AKR1E2: variants seen among roughly 807,000 people sequenced by gnomAD.
AKR1E2 encodes the protein aldo-keto reductase family 1 member E2.
Under a neutral mutation model 41.9 loss-of-function variants are expected in AKR1E2, and 43 were observed. The observed-to-expected ratio is 1.03, with a 90% confidence interval of 0.80 to 1.32. The LOEUF (loss-of-function observed/expected upper bound fraction) is 1.32, where lower values mean the gene tolerates loss of function less well. AKR1E2 is among the 40% of genes most tolerant of loss of function. The pLI is 0.00. For missense variants in AKR1E2, 423 were observed against 396.5 expected (o/e 1.07, Z -0.57); for synonymous variants, 121 against 138.9 (o/e 0.87, Z 0.91).
the AKR1E2 span, among the ~76,000 whole-genome samples, chr10:4,860,525 A>G: frequency 6.6e-6 from 1 of 152,252 alleles, no homozygotes; most frequent in East Asian, 1.9e-4. Flanking sequence ...GTGGCTGCCA[A>G]CTTTTTTGAT....
chr10:4,825,719 G>C (rs1005934244), upstream of AKR1E2, among the ~76,000 whole-genome samples: 1 of 152,192 alleles, frequency 6.6e-6, no homozygotes, highest in African/African-American at 2.4e-5. Context: ...TGGTACAAGA[G>C]AGCGGGGACC....
intron 1 of AKR1E2, among the ~76,000 whole-genome samples, chr10:4,827,980 A>G (rs1832678853): frequency 6.6e-6 from 1 of 152,244 alleles, no homozygotes; most frequent in African/African-American, 2.4e-5. Flanking sequence ...TTTTTCTTGG[A>G]CTGCAGGTGC....
At chr10:4,842,101 C>T (rs1833934966) in intron 7 of AKR1E2, among the ~76,000 whole-genome samples, 2 of 152,218 alleles carry the variant, frequency 1.3e-5, no homozygotes, top group African/African-American at 4.8e-5. Flanking sequence ...CCTTCTCCCT[C>T]TGCCCCACCA....
chr10:4,857,960 C>T, the AKR1E2 span, among the ~76,000 whole-genome samples: 2 of 152,140 alleles, frequency 1.3e-5, no homozygotes, highest in African/African-American at 4.8e-5. Context: ...TTGTTTATTT[C>T]TACCTTTGTA....
At chr10:4,860,836 T>A in the AKR1E2 span, among the ~76,000 whole-genome samples, 1 of 152,216 alleles carries the variant, frequency 6.6e-6, no homozygotes, top group African/African-American at 2.4e-5. Flanking sequence ...CCTAGAAATG[T>A]GAACCTTGGG....
At chr10:4,825,947 G>A (rs1382170539), upstream of AKR1E2, among the ~76,000 whole-genome samples, 1 of 152,212 alleles carries the variant, frequency 6.6e-6, no homozygotes, top group African/African-American at 2.4e-5. Context: ...GAGCGGCAAT[G>A]CCAGCCGATT....
At chr10:4,834,089 C>T (rs1378625706) in intron 3 of AKR1E2, among the ~76,000 whole-genome samples, 1 of 152,216 alleles carries the variant, frequency 6.6e-6, no homozygotes, top group Non-Finnish European at 1.5e-5. Flanking sequence ...GCCAGGATGT[C>T]CCTGCATATT....
intron 8 of AKR1E2, chr10:4,846,084 G>T (rs2131573445): frequency 3.4e-5 from 11 of 326,586 alleles, no homozygotes; most frequent in South Asian, 2.6e-4. Context: ...TTCTAGAACT[G>T]CTTGCTGTTC....
chr10:4,864,899 T>C, the AKR1E2 span, among the ~76,000 whole-genome samples: 3 of 152,220 alleles, frequency 2.0e-5, no homozygotes, highest in African/African-American at 7.2e-5. Context: ...TTGTAATAAC[T>C]TCCTTTCTTT....
chr10:4,840,201 G>T (rs1196543855), intron 6 of AKR1E2, among the ~76,000 whole-genome samples: 1 of 152,090 alleles, frequency 6.6e-6, no homozygotes, highest in Non-Finnish European at 1.5e-5. Flanking sequence ...CTTTACCCAG[G>T]CCCTCCTGCA....
chr10:4,866,882 A>T, the AKR1E2 span, among the ~76,000 whole-genome samples: 34,118 of 151,674 alleles, frequency 0.22, 4,052 homozygotes, highest in Middle Eastern at 0.35. Context: ...GAGTCAGTTT[A>T]CTGATCTGAG....
chr10:4,840,089 C>A (rs945980863), intron 6 of AKR1E2, among the ~76,000 whole-genome samples: 2 of 152,122 alleles, frequency 1.3e-5, no homozygotes, highest in Admixed American at 6.5e-5. Flanking sequence ...GGAGTGACCC[C>A]TTTGCTGAGT....
chr10:4,864,503 C>G, the AKR1E2 span, among the ~76,000 whole-genome samples: 3 of 152,010 alleles, frequency 2.0e-5, no homozygotes, highest in Non-Finnish European at 2.9e-5. Context: ...CAGCCAGTAT[C>G]GTACTGAATG....
In AKR1E2 at chr10:4,842,427, A is replaced by G. The variant is rs1564272636; in HGVS notation, c.760A>G (p.Ile254Val). The G allele has an allele frequency of 6.2e-7, 1 of 1,613,974 alleles. No individual in the cohort carries two copies. Among genetic ancestry groups the G allele is most frequent in the Non-Finnish European group, 8.5e-7 (1 of 1,179,922 alleles). The change falls in exon 8 of 10, where the codon ATC becomes GTC. Residue 254 changes from isoleucine to valine, a missense_variant. Coordinates refer to ENST00000298375, the MANE Select transcript of AKR1E2 (RefSeq NM_001040177.3). Reference sequence around the variant, plus strand: ...ACTTTTTGTTTCCTTGCAGATTTTGATCCGATTTCAAATCCAGAGGAATGT... The same window carrying G: ...ACTTTTTGTTTCCTTGCAGATTTTGGTCCGATTTCAAATCCAGAGGAATGT... The part of the protein sequence containing the change: ...EHGKSPAQIL[I>V]RFQIQRNVIV...
At chr10:4,860,308 G>GT in the AKR1E2 span, among the ~76,000 whole-genome samples, 1 of 152,308 alleles carries the variant, frequency 6.6e-6, no homozygotes, top group African/African-American at 2.4e-5. Context: ...TCAAGAATAT[G>GT]TCTTCTCTCT....
chr10:4,846,453 G>A (rs1470011873), intron 8 of AKR1E2, among the ~76,000 whole-genome samples: 2 of 152,090 alleles, frequency 1.3e-5, no homozygotes, highest in Admixed American at 6.5e-5. Flanking sequence ...ATAGTCCCAG[G>A]GCCAAGTGGG....
At chr10:4,838,046 CTA>C (rs1833576552) in intron 5 of AKR1E2, among the ~76,000 whole-genome samples, 1 of 152,196 alleles carries the variant, frequency 6.6e-6, no homozygotes, top group Non-Finnish European at 1.5e-5. Context: ...GGGGAAATAA[CTA>C]TTGTATTTTC....
In AKR1E2 at chr10:4,837,510, A is replaced by C; in HGVS notation, c.511A>C (p.Asn171His). The change falls in exon 5 of 10, where the codon AAC becomes CAC. Residue 171 changes from asparagine (N) to histidine (H), a missense_variant. Transcript: ENST00000298375. Reference sequence around the variant, plus strand: ...GCTGGTGAAGAACATCGGGGTGTCAAACTTCAACCATGAACAGCTTGAGAG... The same window carrying C: ...GCTGGTGAAGAACATCGGGGTGTCACACTTCAACCATGAACAGCTTGAGAG... Reference protein sequence around the residue: ...TGLVKNIGVSNFNHEQLERLL... With the variant: ...TGLVKNIGVSHFNHEQLERLL... 6.2e-7 allele frequency: 1 copy of C among 1,614,186 alleles called. No individual in the cohort carries two copies. Among genetic ancestry groups the C allele is most frequent in the Non-Finnish European group, 8.5e-7 (1 of 1,180,036 alleles).
chr10:4,832,114 C>T (rs1207702535), intron 2 of AKR1E2, among the ~76,000 whole-genome samples: 2 of 29,286 alleles, frequency 6.8e-5, no homozygotes, highest in Non-Finnish European at 4.4e-4. Context: ...GATTTGGAAG[C>T]AGAATGTAAG....
Sources: allele counts gnomAD v4.1 joint callset (sites outside exome capture counted in the v4.1 genomes callset), GRCh38; gene constraint gnomAD v4.1.1; transcripts MANE v1.5; gene names NCBI Gene and HGNC (gene_info 2026-07-23, HGNC 2026-07-21).